The following NTN4 variants were observed in gnomAD, a reference collection of about 807,000 sequenced individuals.
NTN4 encodes the protein netrin 4.
A neutral mutation model predicts 73.6 loss-of-function variants in NTN4; 32 were observed. That is an observed-to-expected ratio of 0.44 (90% CI 0.33 to 0.58). The LOEUF is 0.58. NTN4 is among the 20% of genes least tolerant of loss of function. NTN4 has a pLI of 0.04. For missense variants in NTN4, 654 were observed against 798.3 expected (o/e 0.82, Z 2.18); for synonymous variants, 258 against 287.5 (o/e 0.90, Z 1.04).
intron 7 of NTN4, among the ~76,000 whole-genome samples, chr12:95,674,367 T>G (rs770239322): frequency 6.6e-6 from 1 of 152,234 alleles, no homozygotes; most frequent in Non-Finnish European, 1.5e-5. Context: ...TGATGACCTT[T>G]CTTTGGCTGC....
At chr12:95,738,170 C>A (rs371192471) in intron 2 of NTN4, 26 bp from the exon 3 acceptor site, 3 of 1,592,878 alleles carry the variant, frequency 1.9e-6, no homozygotes, top group South Asian at 1.2e-5. Flanking sequence ...AAATACCATG[C>A]GTTTATAGGA....
chr12:95,749,924 G>A (rs1449839430), intron 2 of NTN4, among the ~76,000 whole-genome samples: 5 of 145,410 alleles, frequency 3.4e-5, no homozygotes, highest in African/African-American at 5.1e-5. Context: ...GGCAAGTCCC[G>A]CTTTTCTGGG....
chr12:95,762,455 T>C (rs925225794), intron 2 of NTN4, among the ~76,000 whole-genome samples: 1 of 152,252 alleles, frequency 6.6e-6, no homozygotes, highest in Non-Finnish European at 1.5e-5. Context: ...GAATCTCACA[T>C]ATCTTTTCCC....
chr12:95,698,901 G>C (rs1196852734), intron 5 of NTN4, among the ~76,000 whole-genome samples: 2 of 149,612 alleles, frequency 1.3e-5, no homozygotes, highest in Non-Finnish European at 3.0e-5. Flanking sequence ...CTCTTTTTTT[G>C]ATGAATTTCA....
intron 2 of NTN4, among the ~76,000 whole-genome samples, chr12:95,757,857 G>C (rs189599850): frequency 3.9e-5 from 6 of 152,222 alleles, no homozygotes. Flanking sequence ...GGTTTGGCTG[G>C]ATAACAGAAG....
intron 5 of NTN4, among the ~76,000 whole-genome samples, chr12:95,698,030 T>C (rs766202339): frequency 2.0e-4 from 31 of 152,200 alleles, no homozygotes; most frequent in Admixed American, 1.1e-3. Flanking sequence ...GTATTATAAG[T>C]AACCTAGAGA....
At chr12:95,777,292 A>T (rs1055060461) in intron 2 of NTN4, among the ~76,000 whole-genome samples, 1 of 144,820 alleles carries the variant, frequency 6.9e-6, no homozygotes, top group Non-Finnish European at 1.5e-5. Context: ...TAATGACAGG[A>T]TCAAATTCAC....
chr12:95,711,159 CT>C (rs1459923389), intron 4 of NTN4, among the ~76,000 whole-genome samples: 1 of 151,942 alleles, frequency 6.6e-6, no homozygotes, highest in Admixed American at 6.6e-5. Flanking sequence ...TAGGTTACTA[CT>C]TTTTTTTAAA....
chr12:95,693,430 C>CA (rs1024533358), intron 5 of NTN4, among the ~76,000 whole-genome samples: 14 of 151,138 alleles, frequency 9.3e-5, no homozygotes, highest in African/African-American at 7.3e-5. Flanking sequence ...TTTCCTTGGA[C>CA]AAAAAAAATT....
intron 5 of NTN4, among the ~76,000 whole-genome samples, chr12:95,691,222 T>C (rs1297430931): frequency 6.6e-6 from 1 of 152,240 alleles, no homozygotes; most frequent in Non-Finnish European, 1.5e-5. Flanking sequence ...ATTTTCTTCT[T>C]GTTTGGAAGG....
chr12:95,748,234 A>C (rs2078876460), intron 2 of NTN4, among the ~76,000 whole-genome samples: 1 of 148,244 alleles, frequency 6.7e-6, no homozygotes, highest in African/African-American at 2.5e-5. Context: ...CTGTCTCAAA[A>C]AAAAAAAAAA....
chr12:95,780,761 G>C (rs2079126473), intron 2 of NTN4, among the ~76,000 whole-genome samples: 1 of 152,178 alleles, frequency 6.6e-6, no homozygotes, highest in African/African-American at 2.4e-5. Context: ...CAGGGATCTA[G>C]AACTAGAAAT....
At chr12:95,664,837 G>GACTT (rs973020215) in intron 9 of NTN4, among the ~76,000 whole-genome samples, 1 of 151,852 alleles carries the variant, frequency 6.6e-6, no homozygotes, top group African/African-American at 2.4e-5. Flanking sequence ...GGGCACAAAA[G>GACTT]ACTTCTTATT....
At chr12:95,686,790 G>A (rs192686973) in intron 5 of NTN4, among the ~76,000 whole-genome samples, 58 of 151,894 alleles carry the variant, frequency 3.8e-4, no homozygotes, top group African/African-American at 1.3e-3. Context: ...AGAAAAGGAG[G>A]GCAAGGAAGG....
Position 95,787,347 on chromosome 12 carries a change from T to C in NTN4, c.177A>G (p.Glu59=), listed in dbSNP as rs534916851. 2.0e-5 allele frequency: 32 copies of C among 1,614,192 alleles called. No homozygotes were observed. In the East Asian group the frequency reaches 6.7e-4, roughly 34 times the overall value. ...TGTTCTCACTGTAGAAGCAGTACAG[T>C]TCGGTAGCATTCTGACCGCAGGTGG... ...ADTTCGQNAT[E]LYCFYSENTD... The change falls in exon 2 of 10, where the codon GAA becomes GAG. Residue 59 remains glutamate, a synonymous_variant. Transcript: ENST00000343702.
At chr12:95,686,170 T>C (rs7955347) in intron 5 of NTN4, among the ~76,000 whole-genome samples, 2,680 of 152,260 alleles carry the variant, frequency 0.018, 70 homozygotes, top group African/African-American at 0.057. Context: ...GGATTACAGG[T>C]GCCAGCCACT....
intron 1 of NTN4, among the ~76,000 whole-genome samples, chr12:95,787,673 T>C (rs1409107839): frequency 2.0e-5 from 3 of 152,152 alleles, no homozygotes; most frequent in Non-Finnish European, 4.4e-5. Context: ...TGCGTGTGTG[T>C]GTGCGTGTGT....
intron 7 of NTN4, among the ~76,000 whole-genome samples, chr12:95,682,152 G>A (rs76802370): frequency 0.012 from 1,547 of 132,400 alleles, 22 homozygotes; most frequent in African/African-American, 0.041. Context: ...AGCCTTGACC[G>A]CTCAAGTGAT....
intron 5 of NTN4, among the ~76,000 whole-genome samples, chr12:95,706,893 C>G (rs2078525347): frequency 6.6e-6 from 1 of 152,128 alleles, no homozygotes. Context: ...CTTGTGAAAA[C>G]TCGGATTGCT....
Sources: allele counts gnomAD v4.1 joint callset (sites outside exome capture counted in the v4.1 genomes callset), GRCh38; gene constraint gnomAD v4.1.1; transcripts MANE v1.5; gene names NCBI Gene and HGNC (gene_info 2026-07-23, HGNC 2026-07-21).